The following BTBD8 variants were observed in gnomAD, a reference collection of about 807,000 sequenced individuals.
The protein encoded by BTBD8 is BTB domain containing 8, also known as BTB/POZ domain-containing protein 8.
In BTBD8, 110 loss-of-function variants were observed where a neutral mutation model predicts 162.9. The observed-to-expected ratio is 0.68, with a 90% CI of 0.58 to 0.79. The LOEUF (loss-of-function observed/expected upper bound fraction) is 0.79. BTBD8 is among the 30% of genes least tolerant of loss of function. The probability of loss-of-function intolerance (pLI) is 0.00; values close to 1 mark genes in which losing one functional copy is unlikely to be tolerated. For synonymous variants in BTBD8, 667 were observed against 716.1 expected (o/e 0.93, Z 1.10); for missense variants, 1,905 against 2,085.4 (o/e 0.91, Z 1.68).
Position 92,184,283 on chromosome 1 carries a change from T to C in BTBD8, c.5332T>C (p.Ser1778Pro). ...TMASFSSEDC[S>P]PQGEWTILEL... ...GGCTAGTTTTTCCTCTGAAGATTGTTCGCCTCAAGGCGAGTGGACAATTCT... is the reference window on the plus strand; with the variant it reads ...GGCTAGTTTTTCCTCTGAAGATTGTCCGCCTCAAGGCGAGTGGACAATTCT... The change falls in exon 18 of 18, where the codon TCG becomes CCG. Residue 1778 changes from serine to proline, a missense_variant. Ser to Pro is a moderately conservative substitution (Grantham distance 74, BLOSUM62 -1). This residue lies in a region of BTBD8 where 517 missense variants were observed against 606.6 expected (regional missense o/e 0.85). Coordinates refer to ENST00000636805, the MANE Select transcript of BTBD8 (RefSeq NM_001376131.1). 6.4e-7 allele frequency: 1 copy of C among 1,551,578 alleles called. No individual in the cohort carries two copies. Among genetic ancestry groups the C allele is most frequent in the Non-Finnish European group, 8.7e-7 (1 of 1,146,822 alleles).
chr1:92,128,270 C>G (rs11166203), intron 4 of BTBD8, among the ~76,000 whole-genome samples: 5,777 of 151,484 alleles, frequency 0.038, 390 homozygotes, highest in African/African-American at 0.13. Flanking sequence ...GCACCCGCCA[C>G]CACACCTGAA....
At chr1:92,126,325 C>G (rs1028176407) in intron 4 of BTBD8, 2 of 593,658 alleles carry the variant, frequency 3.4e-6, no homozygotes, top group Non-Finnish European at 6.6e-6. Context: ...ATGAATCACC[C>G]TCCTGCTGCC....
At chr1:92,154,435 C>T (rs1650113760) in intron 9 of BTBD8, among the ~76,000 whole-genome samples, 1 of 152,182 alleles carries the variant, frequency 6.6e-6, no homozygotes, top group South Asian at 2.1e-4. Flanking sequence ...TCCACATCCT[C>T]ACCAAAACTT....
At chr1:92,091,832 C>T (rs1291717039) in intron 2 of BTBD8, among the ~76,000 whole-genome samples, 1 of 152,134 alleles carries the variant, frequency 6.6e-6, no homozygotes, top group Non-Finnish European at 1.5e-5. Flanking sequence ...CCATGTATTG[C>T]GTAAGGAAGG....
intron 9 of BTBD8, among the ~76,000 whole-genome samples, chr1:92,162,996 A>G (rs532304996): frequency 6.6e-6 from 1 of 152,144 alleles, no homozygotes; most frequent in African/African-American, 2.4e-5. Context: ...TGACATGGCT[A>G]TTAAAACAAA....
chr1:92,117,254 C>T (rs1474874005), intron 4 of BTBD8, among the ~76,000 whole-genome samples: 1 of 151,944 alleles, frequency 6.6e-6, no homozygotes, highest in Non-Finnish European at 1.5e-5. Flanking sequence ...GCTGCTGCTT[C>T]ACATTACCTA....
intron 9 of BTBD8, among the ~76,000 whole-genome samples, chr1:92,153,130 T>A (rs1650085740): frequency 9.0e-5 from 2 of 22,130 alleles, no homozygotes; most frequent in Non-Finnish European, 2.0e-4. Context: ...TTAATAGTGT[T>A]TTTTTTAAAT....
chr1:92,130,017 A>T (rs934675697), intron 5 of BTBD8, among the ~76,000 whole-genome samples: 3 of 152,190 alleles, frequency 2.0e-5, no homozygotes, highest in African/African-American at 4.8e-5. Context: ...AACAACAGGT[A>T]TTTATTTTCT....
chr1:92,168,072 C>T, intron 11 of BTBD8, 87 bp downstream of exon 11: 1 of 1,245,052 alleles, frequency 8.0e-7, no homozygotes, highest in South Asian at 1.9e-5. Context: ...GTTGCAGGGT[C>T]ATTGAAGCTA....
chr1:92,140,327 A>T (rs61781614), intron 6 of BTBD8, among the ~76,000 whole-genome samples: 3 of 152,120 alleles, frequency 2.0e-5, no homozygotes, highest in Non-Finnish European at 4.4e-5. Flanking sequence ...AATGCGCTAT[A>T]GTGAAATACC....
chr1:92,091,721 C>T (rs1375128923), intron 2 of BTBD8, among the ~76,000 whole-genome samples: 1 of 152,110 alleles, frequency 6.6e-6, no homozygotes, highest in African/African-American at 2.4e-5. Context: ...AGGCATGTGC[C>T]ACTATGCCCA....
At position 92,107,142 on chromosome 1, in the gene BTBD8, C is replaced by G. The variant is rs75162072; in HGVS notation, c.545-742C>G. On this transcript the variant is annotated intron_variant, in intron 3 of 17. Transcript: ENST00000636805. ...TTGTTGTTAGCCTGATAACACAGGT[C>G]ATAGTAACCTAGAGACCCACAAGAA... 1.8e-3 allele frequency among the ~76,000 whole-genome samples: 271 copies of G among 152,032 alleles called. 1 individual carries two copies. Among genetic ancestry groups the G allele is most frequent in the Middle Eastern group, 3.4e-3 (1 of 294 alleles).
Position 92,129,343 on chromosome 1 carries a change from G to A in BTBD8, c.663-344G>A, listed in dbSNP as rs12385692. The stretch of plus-strand genomic sequence containing the variant: ...ACAAAAAATTTAAAAATCAAGTTGA[G>A]TGTGATACTGCATGCCTGTAGTGTT... On this transcript the variant is annotated intron_variant, in intron 4 of 17. Transcript: ENST00000636805. 8.3e-3 allele frequency among the ~76,000 whole-genome samples: 1,259 copies of A among 152,202 alleles called. 22 individuals carry two copies. The highest frequency in any genetic ancestry group is 0.028 in the African/African-American group (1,169 of 41,518).
In BTBD8 at chr1:92,168,874, G is replaced by T. The variant is rs1306864273; in HGVS notation, c.1452G>T (p.Thr484=). ...NSDSTKEMGF[T]CKIQALRDKL... is the part of the protein sequence containing the mutation. Reference sequence around the variant, plus strand: ...TTGTTGCTTGAACACAGGGTTTTACGTGCAAGATCCAGGCTCTGCGTGATA... The same window carrying T: ...TTGTTGCTTGAACACAGGGTTTTACTTGCAAGATCCAGGCTCTGCGTGATA... Residue 484 remains threonine (T), a synonymous_variant, in exon 12 of 18, where the codon ACG becomes ACT. Coordinates refer to ENST00000636805, the MANE Select transcript of BTBD8 (RefSeq NM_001376131.1). 3.3e-6 allele frequency: 5 copies of T among 1,520,268 alleles called. No individual in the cohort carries two copies. Among genetic ancestry groups the T allele is most frequent in the African/African-American group, 2.7e-5 (2 of 72,738 alleles). The allele number at this position is 1,520,268 out of a possible 1,614,324, so 94.2% of individuals were successfully genotyped here.
At chr1:92,108,955 A>G (rs116222876) in intron 4 of BTBD8, among the ~76,000 whole-genome samples, 69 of 152,328 alleles carry the variant, frequency 4.5e-4, no homozygotes, top group African/African-American at 1.6e-3. Flanking sequence ...CCACCAAGCC[A>G]AATAGTAGTA....
chr1:92,110,499 G>A lies in BTBD8; in HGVS notation c.662+2498G>A, dbSNP rs140603173. On this transcript the variant is annotated intron_variant, in intron 4 of 17. Transcript: ENST00000636805. ...CCATTAGTTATGTTACTACTTTTCTGAATATTGTATCCTGGGATGCTACTG... is the reference window on the plus strand; with the variant it reads ...CCATTAGTTATGTTACTACTTTTCTAAATATTGTATCCTGGGATGCTACTG... 9.0e-3 allele frequency among the ~76,000 whole-genome samples: 1,363 copies of A among 152,262 alleles called. 16 individuals are homozygous for A. Among genetic ancestry groups the A allele is most frequent in the African/African-American group, 0.031 (1,282 of 41,540 alleles).
chr1:92,114,173 G>A (rs1391566864), intron 4 of BTBD8, among the ~76,000 whole-genome samples: 1 of 152,018 alleles, frequency 6.6e-6, no homozygotes, highest in Non-Finnish European at 1.5e-5. Context: ...AAGTATTGTG[G>A]TGCTGAGATT....
chr1:92,158,347 C>T (rs1468184330), intron 9 of BTBD8, among the ~76,000 whole-genome samples: 1 of 137,146 alleles, frequency 7.3e-6, no homozygotes, highest in African/African-American at 2.9e-5. Context: ...GCTTTATTTT[C>T]TTAATATTGA....
At position 92,147,204 on chromosome 1, in the gene BTBD8, A is replaced by G. The variant is rs954612269; in HGVS notation, c.955A>G (p.Ile319Val). The G allele has an allele frequency of 6.2e-7, 1 of 1,612,212 alleles. No individual in the cohort carries two copies. Among genetic ancestry groups the G allele is most frequent in the Non-Finnish European group, 8.5e-7 (1 of 1,179,010 alleles). ...QKPVPRTLTS[I>V]LECLIIAHSV... ...GCCTGTTCCCAGAACATTGACGTCT[A>G]TACTAGAATGCCTGATTATTGCTCA... The change falls in exon 8 of 18, where the codon ATA becomes GTA. Residue 319 changes from isoleucine (I) to valine (V), a missense_variant. This residue lies in a region of BTBD8 where 1,374 missense variants were observed against 1,442.7 expected (regional missense o/e 0.95). Coordinates refer to ENST00000636805, the MANE Select transcript of BTBD8 (RefSeq NM_001376131.1).
Sources: gnomAD v4.1 joint callset for allele counts (sites outside exome capture counted in the v4.1 genomes callset) on GRCh38, gnomAD v4.1.1 for gene constraint, gnomAD v4.1.1 regional missense constraint, MANE v1.5 for transcripts, NCBI Gene and HGNC (gene_info 2026-07-23, HGNC 2026-07-21) for gene names.